SHISA6: variants seen among roughly 807,000 people sequenced by gnomAD.
SHISA6 encodes the protein shisa family member 6.
Under a neutral mutation model 47.9 loss-of-function variants are expected in SHISA6, and 22 were observed. The observed-to-expected ratio is 0.46, with a 90% CI of 0.33 to 0.66. SHISA6 has a LOEUF of 0.66. Among genes scored for constraint, SHISA6 ranks in the 30% least tolerant of loss-of-function variants. The pLI, the probability that SHISA6 is intolerant of heterozygous loss-of-function variation, is 0.02. For synonymous variants in SHISA6, 388 were observed against 337.8 expected (o/e 1.15, Z -1.63); for missense variants, 680 against 764.6 (o/e 0.89, Z 1.30).
chr17:11,331,245 T>C lies in SHISA6; in HGVS notation c.800-48169T>C, dbSNP rs181610970. Among the ~76,000 whole-genome samples, 11 of 152,298 alleles carry C rather than the reference T, an allele frequency of 7.2e-5. No individual in the cohort carries two copies. The East Asian group carries it at 1.9e-3, about 27-fold the overall frequency. ...TTCTTTATTGGCTTGACTCTGTAAC[T>C]GAACATAAGACATTCCTTTGGAAAA... On this transcript the variant is annotated intron_variant, in intron 2 of 5. Transcript: ENST00000441885.
At chr17:11,365,912 C>A (rs982891722) in intron 2 of SHISA6, among the ~76,000 whole-genome samples, 1 of 152,098 alleles carries the variant, frequency 6.6e-6, no homozygotes, top group Non-Finnish European at 1.5e-5. Context: ...AGGAGGCAAG[C>A]CTTACAATAA....
At chr17:11,387,593 T>C (rs1473036605) in intron 3 of SHISA6, among the ~76,000 whole-genome samples, 2 of 151,952 alleles carry the variant, frequency 1.3e-5, no homozygotes, top group Admixed American at 6.6e-5. Context: ...TGGGGGTAAA[T>C]AGTCTAACCA....
chr17:11,530,038 C>T (rs2071719169), intron 3 of SHISA6, among the ~76,000 whole-genome samples: 1 of 152,152 alleles, frequency 6.6e-6, no homozygotes, highest in African/African-American at 2.4e-5. Context: ...CCTAGTGCTG[C>T]TCAGGGTGAG....
chr17:11,557,697 A>G, intron 5 of SHISA6, 57 bp from the exon 6 acceptor site: 2 of 1,470,762 alleles, frequency 1.4e-6, no homozygotes, highest in South Asian at 1.4e-5. Flanking sequence ...GTTCTATCTG[A>G]GTCCTGGCTG....
intron 1 of SHISA6, among the ~76,000 whole-genome samples, chr17:11,249,820 G>C (rs905323266): frequency 6.6e-6 from 1 of 152,224 alleles, no homozygotes; most frequent in Non-Finnish European, 1.5e-5. Flanking sequence ...GAAATCAAGA[G>C]TGCCTCCAGT....
rs967294845 is a variant in SHISA6 at position 11,241,329 on chromosome 17, C to CAGCCCGGCCCGCGCGGCGGGTCCTCCG, written c.-81_-55dup. The CAGCCCGGCCCGCGCGGCGGGTCCTCCG allele has an allele frequency of 1.2e-4, 99 of 828,060 alleles. No homozygotes were observed. Among genetic ancestry groups the CAGCCCGGCCCGCGCGGCGGGTCCTCCG allele is most frequent in the Middle Eastern group, 5.9e-4 (1 of 1,702 alleles). 51.3% of individuals were successfully genotyped at this position (828,060 alleles called of 1,614,324 possible). A position where few individuals can be genotyped will look rare whatever the true frequency, so the allele number is the denominator to read the frequency against. ...GGAGCCGCTGACCGCTCAGCGCCTCCAGCCCGGCCCGCGCGGCGGGTCCTC... is the reference window on the plus strand; with the variant it reads ...GGAGCCGCTGACCGCTCAGCGCCTCCAGCCCGGCCCGCGCGGCGGGTCCTCCGAGCCCGGCCCGCGCGGCGGGTCCTC... On this transcript the variant is annotated 5_prime_UTR_variant, in exon 1 of 6. Transcript: ENST00000441885. The surrounding 1 kb of genome is among the most constrained non-coding windows in gnomAD (Gnocchi z 5.5).
intron 3 of SHISA6, among the ~76,000 whole-genome samples, chr17:11,534,249 G>A (rs1322593707): frequency 2.1e-5 from 3 of 144,598 alleles, no homozygotes; most frequent in East Asian, 2.0e-4. Flanking sequence ...CAAGTGATCC[G>A]CCCACCTTGG....
Position 11,560,229 on chromosome 17 carries a change from G to C in SHISA6, c.*1925G>C, listed in dbSNP as rs559308069. On this transcript the variant is annotated 3_prime_UTR_variant, in exon 6 of 6. Transcript: ENST00000441885. ...AGGGTGTGCCTCCCAACAGGAACAG[G>C]AAACCATCACCCTGGATCTTAGGGG... is the stretch of plus-strand genomic sequence containing the variant. 6.6e-6 allele frequency: 1 copy of C among 152,348 alleles called. No individual in the cohort carries two copies. The highest frequency in any genetic ancestry group is 2.1e-4 in the South Asian group (1 of 4,814). 9.4% of individuals were successfully genotyped at this position (152,348 alleles called of 1,614,324 possible).
intron 2 of SHISA6, among the ~76,000 whole-genome samples, chr17:11,342,583 C>A (rs146723723): frequency 6.6e-6 from 1 of 152,304 alleles, no homozygotes; most frequent in Non-Finnish European, 1.5e-5. Flanking sequence ...AGTTTTTAAA[C>A]CTCATTTCCC....
At chr17:11,546,454 T>C (rs911373744) in intron 3 of SHISA6, among the ~76,000 whole-genome samples, 3 of 152,072 alleles carry the variant, frequency 2.0e-5, no homozygotes, top group South Asian at 2.1e-4. Context: ...CCACATAAGA[T>C]AGAATACTCT....
At chr17:11,317,357 T>A (rs999560672) in intron 2 of SHISA6, among the ~76,000 whole-genome samples, 11 of 152,188 alleles carry the variant, frequency 7.2e-5, no homozygotes, top group South Asian at 6.2e-4. Flanking sequence ...TGTTTTTATC[T>A]GTTTTGATGC....
chr17:11,314,309 A>C (rs1910433375), intron 2 of SHISA6, among the ~76,000 whole-genome samples: 1 of 152,038 alleles, frequency 6.6e-6, no homozygotes, highest in Non-Finnish European at 1.5e-5. Flanking sequence ...TTTTTTTGTC[A>C]CATTAGGAAG....
intron 2 of SHISA6, among the ~76,000 whole-genome samples, chr17:11,265,035 A>G (rs548608238): frequency 1.3e-5 from 2 of 152,314 alleles, no homozygotes; most frequent in African/African-American, 2.4e-5. Flanking sequence ...CTTTAATACC[A>G]TAGGTCCTTA....
intron 3 of SHISA6, among the ~76,000 whole-genome samples, chr17:11,486,119 C>T (rs1389509109): frequency 6.6e-6 from 1 of 152,166 alleles, no homozygotes; most frequent in Non-Finnish European, 1.5e-5. Context: ...TGCCGCAGCT[C>T]ACTGTGATTC....
chr17:11,326,686 T>A (rs142306549), intron 2 of SHISA6, among the ~76,000 whole-genome samples: 303 of 152,332 alleles, frequency 2.0e-3, no homozygotes, highest in African/African-American at 7.0e-3. Context: ...ACATTGAGGA[T>A]GATGCAAAGT....
chr17:11,439,396 C>T (rs1228905060), intron 3 of SHISA6, among the ~76,000 whole-genome samples: 3 of 152,146 alleles, frequency 2.0e-5, no homozygotes, highest in Admixed American at 2.0e-4. Flanking sequence ...CCAAGCCATG[C>T]TGCTCAGATA....
chr17:11,426,233 A>G (rs1345010083), intron 3 of SHISA6, among the ~76,000 whole-genome samples: 1 of 152,244 alleles, frequency 6.6e-6, no homozygotes, highest in African/African-American at 2.4e-5. Context: ...AAAAGTGCCA[A>G]GCATTCTAAG....
intron 3 of SHISA6, among the ~76,000 whole-genome samples, chr17:11,499,707 G>A: frequency 1.2e-5 from 1 of 81,076 alleles, no homozygotes; most frequent in South Asian, 3.5e-4. Flanking sequence ...TTTTGTTGTT[G>A]TTGTTGTTGT....
chr17:11,369,661 T>C (rs1185345155), intron 2 of SHISA6, among the ~76,000 whole-genome samples: 1 of 152,214 alleles, frequency 6.6e-6, no homozygotes, highest in Non-Finnish European at 1.5e-5. Flanking sequence ...GAAAGAGTTG[T>C]TCCTCCCTGC....
Sources: allele counts gnomAD v4.1 joint callset (sites outside exome capture counted in the v4.1 genomes callset), GRCh38; gene constraint gnomAD v4.1.1; non-coding constraint Gnocchi (gnomAD v3.1); transcripts MANE v1.5; gene names NCBI Gene and HGNC (gene_info 2026-07-23, HGNC 2026-07-21).